Variants in CNTN6 observed in about 807,000 individuals in gnomAD.
The protein encoded by CNTN6 is contactin 6.
In CNTN6, 137 loss-of-function variants were observed where a neutral mutation model predicts 122.8. That is an observed-to-expected ratio of 1.12 (90% CI 0.97 to 1.29). CNTN6 has a LOEUF of 1.29. Among genes scored for constraint, CNTN6 ranks in the 50% most tolerant of loss-of-function variants. The probability of loss-of-function intolerance (pLI) is 0.00; values close to 1 mark genes in which losing one functional copy is unlikely to be tolerated. For synonymous variants in CNTN6, 570 were observed against 426.0 expected (o/e 1.34, Z -4.16); for missense variants, 1,634 against 1,223.4 (o/e 1.34, Z -5.01).
chr3:1,333,565 A>G (rs1340542883), intron 11 of CNTN6, among the ~76,000 whole-genome samples: 1 of 152,078 alleles, frequency 6.6e-6, no homozygotes, highest in Non-Finnish European at 1.5e-5. Flanking sequence ...GGAAATACCT[A>G]TGTGAGGAAA....
At chr3:1,157,249 T>C (rs1489899944) in intron 2 of CNTN6, among the ~76,000 whole-genome samples, 1 of 151,726 alleles carries the variant, frequency 6.6e-6, no homozygotes, top group Non-Finnish European at 1.5e-5. Flanking sequence ...GTACTTATTG[T>C]CTCTGTTGCC....
At position 1,372,914 on chromosome 3, in the gene CNTN6, C is replaced by T. The variant is rs192037016; in HGVS notation, c.1745C>T (p.Thr582Ile). 2.1e-5 allele frequency: 34 copies of T among 1,607,390 alleles called. No individual in the cohort carries two copies. The East Asian group carries it at 2.9e-4, about 14-fold the overall frequency. The change falls in exon 14 of 23, where the codon ACC becomes ATC. Residue 582 changes from threonine (T) to isoleucine (I), a missense_variant. Coordinates refer to ENST00000446702, the MANE Select transcript of CNTN6 (RefSeq NM_001289080.2). ...SGKYLCTVQT[T>I]LESLSAVADI... Reference sequence around the variant, plus strand: ...AAATATCTCTGCACAGTACAAACAACCCTAGAAAGTTTATCTGCAGTAGCC... The same window carrying T: ...AAATATCTCTGCACAGTACAAACAATCCTAGAAAGTTTATCTGCAGTAGCC...
chr3:1,265,831 T>C (rs2094917635), intron 4 of CNTN6, among the ~76,000 whole-genome samples: 1 of 152,154 alleles, frequency 6.6e-6, no homozygotes, highest in African/African-American at 2.4e-5. Flanking sequence ...AAAAAACCTT[T>C]GTGTTTTTTG....
At chr3:1,318,567 AG>A (rs1293720036) in intron 7 of CNTN6, among the ~76,000 whole-genome samples, 2 of 151,788 alleles carry the variant, frequency 1.3e-5, no homozygotes, top group Non-Finnish European at 2.9e-5. Flanking sequence ...AAGAACCCAA[AG>A]GAAAAGAGGG....
intron 1 of CNTN6, among the ~76,000 whole-genome samples, chr3:1,107,891 A>G (rs2091298982): frequency 6.6e-6 from 1 of 152,080 alleles, no homozygotes; most frequent in East Asian, 1.9e-4. Context: ...TTCAAAATAA[A>G]TCACCCGAAA....
intron 5 of CNTN6, among the ~76,000 whole-genome samples, chr3:1,293,247 T>G (rs189102837): frequency 1.7e-3 from 264 of 152,250 alleles, no homozygotes; most frequent in Non-Finnish European, 3.2e-3. Context: ...CCTTCCACAT[T>G]TTCTTTCTCC....
At chr3:1,356,247 T>C (rs1197243991) in intron 12 of CNTN6, among the ~76,000 whole-genome samples, 2 of 151,792 alleles carry the variant, frequency 1.3e-5, no homozygotes, top group East Asian at 1.9e-4. Flanking sequence ...GCAGGCAACA[T>C]TTGTTTTTGT....
At chr3:1,369,669 T>G (rs1415156094) in intron 12 of CNTN6, among the ~76,000 whole-genome samples, 2 of 152,178 alleles carry the variant, frequency 1.3e-5, no homozygotes, top group Non-Finnish European at 1.5e-5. Context: ...GAAAATTACT[T>G]TAATTGCATG....
chr3:1,323,372 A>G (rs566381113), intron 8 of CNTN6, among the ~76,000 whole-genome samples: 7 of 151,776 alleles, frequency 4.6e-5, no homozygotes, highest in East Asian at 1.9e-4. Context: ...TCATTGTACT[A>G]TATCTCACCA....
intron 2 of CNTN6, among the ~76,000 whole-genome samples, chr3:1,184,124 G>A (rs2093597685): frequency 6.6e-6 from 1 of 152,160 alleles, no homozygotes; most frequent in African/African-American, 2.4e-5. Flanking sequence ...GGTCATGGAA[G>A]TGATATCTGT....
At chr3:1,283,779 C>T (rs1693877698) in intron 5 of CNTN6, among the ~76,000 whole-genome samples, 2 of 152,120 alleles carry the variant, frequency 1.3e-5, no homozygotes, top group African/African-American at 4.8e-5. Flanking sequence ...GTGGGCAGAT[C>T]ACCTGAGGTC....
At chr3:1,245,234 ATAC>A (rs1559595927) in intron 4 of CNTN6, among the ~76,000 whole-genome samples, 3 of 11,888 alleles carry the variant, frequency 2.5e-4, no homozygotes, top group African/African-American at 5.5e-4. Flanking sequence ...ATATATATAT[ATAC>A]ACACACACAT....
At chr3:1,232,323 C>A (rs1037073042) in intron 4 of CNTN6, among the ~76,000 whole-genome samples, 3 of 152,168 alleles carry the variant, frequency 2.0e-5, no homozygotes, top group Non-Finnish European at 4.4e-5. Context: ...ATTTATTCAT[C>A]CTCCAAGCAA....
At chr3:1,156,907 G>T (rs1434842908) in intron 2 of CNTN6, among the ~76,000 whole-genome samples, 1 of 151,962 alleles carries the variant, frequency 6.6e-6, no homozygotes, top group Non-Finnish European at 1.5e-5. Context: ...TGTAGAGACT[G>T]CCTCTCACTG....
intron 1 of CNTN6, among the ~76,000 whole-genome samples, chr3:1,134,985 C>G (rs1324553531): frequency 6.6e-6 from 1 of 152,008 alleles, no homozygotes; most frequent in Non-Finnish European, 1.5e-5. Context: ...CCTTTGGATA[C>G]AATTTGCAAA....
chr3:1,295,948 T>C (rs1251149132), intron 6 of CNTN6, 144 bp downstream of exon 6: 6 of 682,748 alleles, frequency 8.8e-6, no homozygotes, highest in East Asian at 2.7e-5. Flanking sequence ...AAACCAGAAA[T>C]ATAACAGAAA....
chr3:1,374,955 T>C (rs1709646431), intron 16 of CNTN6, among the ~76,000 whole-genome samples: 1 of 152,046 alleles, frequency 6.6e-6, no homozygotes, highest in Non-Finnish European at 1.5e-5. Context: ...TGAGAGGAAA[T>C]CCCTTTGTTT....
At position 1,255,565 on chromosome 3, in the gene CNTN6, C is replaced by T. The variant is rs557771653; in HGVS notation, c.359-22848C>T. Among the ~76,000 whole-genome samples, 81 of 152,118 alleles carry T rather than the reference C, an allele frequency of 5.3e-4. 2 individuals are homozygous for T. Among genetic ancestry groups the T allele is most frequent in the Non-Finnish European group, 2.9e-5 (2 of 67,984 alleles). On this transcript the variant is annotated intron_variant, in intron 4 of 22. Coordinates refer to ENST00000446702, the MANE Select transcript of CNTN6 (RefSeq NM_001289080.2). ...AACACTCAGGATTTTGAATTGTATC[C>T]TAGGAACAGTAGAGCTCCATACAAT...
At chr3:1,239,789 G>A (rs760779054) in intron 4 of CNTN6, among the ~76,000 whole-genome samples, 1 of 152,154 alleles carries the variant, frequency 6.6e-6, no homozygotes, top group Non-Finnish European at 1.5e-5. Context: ...TGAGGCCATA[G>A]TCACCAAAGC....
Sources: gnomAD v4.1 joint callset for allele counts (sites outside exome capture counted in the v4.1 genomes callset) on GRCh38, gnomAD v4.1.1 for gene constraint, MANE v1.5 for transcripts, NCBI Gene and HGNC (gene_info 2026-07-23, HGNC 2026-07-21) for gene names.